Variants in STAP1 observed in about 807,000 individuals in gnomAD.
STAP1 encodes signal transducing adaptor family member 1, also known as signal-transducing adaptor protein 1.
Under a neutral mutation model 37.8 loss-of-function variants are expected in STAP1, and 30 were observed. That is an observed-to-expected ratio of 0.79 (90% confidence interval 0.59 to 1.08). The LOEUF is 1.08. Ranked by LOEUF, STAP1 falls within the 50% of genes least tolerant of loss-of-function variation. The pLI, the probability that STAP1 is intolerant of heterozygous loss-of-function variation, is 0.00. For missense variants in STAP1, 357 were observed against 349.4 expected, an observed-to-expected ratio of 1.02 and a Z score of -0.17; for synonymous variants, 130 against 116.0, an observed-to-expected ratio of 1.12 and a Z score of -0.78.
chr4:67,577,138 A>T, intron 3 of STAP1, 65 bp from the exon 4 acceptor site: 1 of 1,438,480 alleles, frequency 7.0e-7, no homozygotes, highest in Non-Finnish European at 9.5e-7. Context: ...ATAATTATTT[A>T]TTTTATGCTC....
chr4:67,586,337 A>G (rs1385661361), intron 6 of STAP1, among the ~76,000 whole-genome samples: 1 of 152,110 alleles, frequency 6.6e-6, no homozygotes, highest in Non-Finnish European at 1.5e-5. Context: ...CGCACCTGTA[A>G]TCCCAGCTAC....
Position 67,606,552 on chromosome 4 carries a change from C to G in STAP1, c.*195C>G, listed in dbSNP as rs1294966502. 3 of 522,572 alleles carry G rather than the reference C, an allele frequency of 5.7e-6. No individual in the cohort carries two copies. Among genetic ancestry groups the G allele is most frequent in the Non-Finnish European group, 1.0e-5 (3 of 300,828 alleles). The allele number at this position is 522,572 out of a possible 1,614,324, so 32.4% of individuals were successfully genotyped here. ...AGAATGAAACCAATTCACAGGGAAA[C>G]TAGAGACTACGGCTGTGGTGGTAAC... On this transcript the variant is annotated 3_prime_UTR_variant, in exon 9 of 9. Coordinates refer to ENST00000265404, the MANE Select transcript of STAP1 (RefSeq NM_012108.4).
At chr4:67,593,975 C>CG (rs1728173077) in intron 8 of STAP1, among the ~76,000 whole-genome samples, 2 of 152,152 alleles carry the variant, frequency 1.3e-5, no homozygotes. Flanking sequence ...ACCATCAAAC[C>CG]GAGCATGAGA....
intron 1 of STAP1, among the ~76,000 whole-genome samples, chr4:67,561,605 T>C (rs1267864286): frequency 6.6e-6 from 1 of 152,116 alleles, no homozygotes; most frequent in African/African-American, 2.4e-5. Context: ...ATAATCTTTA[T>C]GGAAAAGATA....
chr4:67,572,930 C>A (rs1336903920), intron 2 of STAP1, among the ~76,000 whole-genome samples: 8 of 152,314 alleles, frequency 5.3e-5, no homozygotes, highest in Non-Finnish European at 1.2e-4. Context: ...CAGCCTTCTT[C>A]ATCACCATGC....
Position 67,592,103 on chromosome 4 carries a change from C to G in STAP1, c.729+1150C>G, listed in dbSNP as rs540594008. ...CCTCCCCAACCATACTCCTCAACCC[C>G]TCAGTAAGGTTGTATTTTTGTGATT... On this transcript the variant is annotated intron_variant, in intron 7 of 8. Transcript: ENST00000265404. Among the ~76,000 whole-genome samples, 5 of 142,716 alleles carry G rather than the reference C, an allele frequency of 3.5e-5. No individual in the cohort carries two copies. The South Asian group carries it at 1.2e-3, about 34-fold the overall frequency. 93.6% of individuals were successfully genotyped at this position (142,716 alleles called of 152,430 possible).
chr4:67,580,423 T>C (rs1181681365), intron 4 of STAP1, among the ~76,000 whole-genome samples: 1 of 152,196 alleles, frequency 6.6e-6, no homozygotes, highest in African/African-American at 2.4e-5. Context: ...AAAACATATA[T>C]AATAATAGAA....
chr4:67,567,950 TA>T (rs1727508448), intron 1 of STAP1, among the ~76,000 whole-genome samples: 1 of 152,224 alleles, frequency 6.6e-6, no homozygotes, highest in Admixed American at 6.5e-5. Flanking sequence ...TTTAGTCCAC[TA>T]AGTTATAGGG....
At chr4:67,561,036 G>A (rs577199734) in intron 1 of STAP1, among the ~76,000 whole-genome samples, 1 of 152,254 alleles carries the variant, frequency 6.6e-6, no homozygotes, top group East Asian at 1.9e-4. Context: ...AGGGATTAAA[G>A]GGATAGCATA....
At chr4:67,560,419 C>G (rs191489360) in intron 1 of STAP1, among the ~76,000 whole-genome samples, 2 of 152,164 alleles carry the variant, frequency 1.3e-5, no homozygotes, top group East Asian at 3.9e-4. Flanking sequence ...TCCTATGCAC[C>G]AAGCATCACT....
chr4:67,560,574 AT>A (rs1323596892), intron 1 of STAP1, among the ~76,000 whole-genome samples: 1 of 152,212 alleles, frequency 6.6e-6, no homozygotes, highest in Non-Finnish European at 1.5e-5. Context: ...ACCTATAGGC[AT>A]AAATATTTCC....
intron 4 of STAP1, among the ~76,000 whole-genome samples, chr4:67,577,651 C>T (rs13124445): frequency 0.35 from 32,386 of 91,436 alleles, 4,148 homozygotes; most frequent in Non-Finnish European, 0.43. Context: ...TTCTTTCTTT[C>T]TTTTTTTTTT....
intron 6 of STAP1, among the ~76,000 whole-genome samples, chr4:67,587,655 T>C (rs1728013396): frequency 6.6e-6 from 1 of 151,674 alleles, no homozygotes; most frequent in Non-Finnish European, 1.5e-5. Context: ...TTTGCAAAAA[T>C]GGAAGTCAGA....
chr4:67,575,372 T>A lies in STAP1; in HGVS notation c.193-13T>A. ...ATGAAATAATGTAATGTGATCTTCC[T>A]TTATCTTTGCAGTATGTTGACAAAT... On this transcript the variant is annotated splice_polypyrimidine_tract_variant and intron_variant, in intron 2 of 8. Coordinates refer to ENST00000265404, the MANE Select transcript of STAP1 (RefSeq NM_012108.4). The A allele has an allele frequency of 3.3e-6, 5 of 1,538,286 alleles. No individual in the cohort carries two copies. The highest frequency in any genetic ancestry group is 4.4e-6 in the Non-Finnish European group (5 of 1,136,678).
rs2242329 is a variant in STAP1, at chr4:67,581,634, A to G, written c.530+163A>G. On this transcript the variant is annotated intron_variant, in intron 5 of 8. Transcript: ENST00000265404. Reference sequence around the variant, plus strand: ...CATGCCATATTTCCTCTTCTATGTCATGATCAACAAAATGCAGATTTGAAC... The same window carrying G: ...CATGCCATATTTCCTCTTCTATGTCGTGATCAACAAAATGCAGATTTGAAC... 0.83 allele frequency among the ~76,000 whole-genome samples: 126,254 copies of G among 152,170 alleles called. 53,205 individuals are homozygous for G. The highest frequency in any genetic ancestry group is 0.9 in the Non-Finnish European group (61,255 of 68,006).
Position 67,606,555 on chromosome 4 carries a change from G to A in STAP1, c.*198G>A. ...ATGAAACCAATTCACAGGGAAACTA[G>A]AGACTACGGCTGTGGTGGTAACCTG... On this transcript the variant is annotated 3_prime_UTR_variant, in exon 9 of 9. Coordinates refer to ENST00000265404, the MANE Select transcript of STAP1 (RefSeq NM_012108.4). 1.9e-6 allele frequency: 1 copy of A among 518,952 alleles called. No homozygotes were observed. Among genetic ancestry groups the A allele is most frequent in the Non-Finnish European group, 3.4e-6 (1 of 298,358 alleles). The allele number at this position is 518,952 out of a possible 1,614,324, so 32.1% of individuals were successfully genotyped here.
chr4:67,606,192 A>C, intron 8 of STAP1, 104 bp from the exon 9 acceptor site: 3 of 830,498 alleles, frequency 3.6e-6, no homozygotes, highest in Non-Finnish European at 5.7e-6. Flanking sequence ...ACACACCAGC[A>C]ATGTTCCACA....
intron 1 of STAP1, among the ~76,000 whole-genome samples, chr4:67,563,089 T>A (rs1727387788): frequency 6.6e-6 from 1 of 152,138 alleles, no homozygotes; most frequent in Non-Finnish European, 1.5e-5. Context: ...GCATTGTAAT[T>A]CATTTTTGCT....
chr4:67,599,272 T>G (rs1458936929), intron 8 of STAP1, among the ~76,000 whole-genome samples: 1 of 152,108 alleles, frequency 6.6e-6, no homozygotes, highest in Non-Finnish European at 1.5e-5. Context: ...TGAATCATCT[T>G]AGTAGGATTG....
Sources: allele counts gnomAD v4.1 joint callset (sites outside exome capture counted in the v4.1 genomes callset), GRCh38; gene constraint gnomAD v4.1.1; transcripts MANE v1.5; gene names NCBI Gene and HGNC (gene_info 2026-07-23, HGNC 2026-07-21).